Variants in SLC24A2 observed in about 807,000 individuals in gnomAD.
SLC24A2 encodes the protein sodium/potassium/calcium exchanger 2.
In SLC24A2, 36 loss-of-function variants were observed where a neutral mutation model predicts 62.0. The observed-to-expected ratio is 0.58, with a 90% CI of 0.44 to 0.77. SLC24A2 has a LOEUF of 0.77. SLC24A2 is among the 30% of genes least tolerant of loss of function. SLC24A2 has a pLI of 0.00. For missense variants in SLC24A2, 846 were observed against 817.9 expected, an observed-to-expected ratio of 1.03 and a Z score of -0.42; for synonymous variants, 358 against 294.0, an observed-to-expected ratio of 1.22 and a Z score of -2.23.
the SLC24A2 span, among the ~76,000 whole-genome samples, chr9:20,255,662 A>T: frequency 2.6e-5 from 4 of 152,170 alleles, no homozygotes; most frequent in Non-Finnish European, 5.9e-5. Flanking sequence ...GGAGAGTGGA[A>T]ACTAAGAAAC....
At chr9:19,763,012 G>T (rs1468631400) in intron 2 of SLC24A2, among the ~76,000 whole-genome samples, 1 of 152,026 alleles carries the variant, frequency 6.6e-6, no homozygotes, top group Non-Finnish European at 1.5e-5. Context: ...GTGGTTTATA[G>T]TTCTCCTTGA....
At chr9:19,713,323 TG>T (rs1415750233) in intron 2 of SLC24A2, among the ~76,000 whole-genome samples, 2 of 152,150 alleles carry the variant, frequency 1.3e-5, no homozygotes, top group Non-Finnish European at 2.9e-5. Context: ...GCAGAAAAGC[TG>T]TAAGTCAATT....
At chr9:20,045,046 C>T in the SLC24A2 span, among the ~76,000 whole-genome samples, 3 of 152,150 alleles carry the variant, frequency 2.0e-5, no homozygotes, top group African/African-American at 4.8e-5. Flanking sequence ...AAAGTTAGTG[C>T]TCAGTATATT....
intron 2 of SLC24A2, among the ~76,000 whole-genome samples, chr9:19,742,970 G>A (rs1485328929): frequency 6.6e-6 from 1 of 152,124 alleles, no homozygotes; most frequent in Non-Finnish European, 1.5e-5. Context: ...AGATCCCAGA[G>A]GGAAATGGGA....
At chr9:19,547,449 G>T (rs1300169658) in intron 8 of SLC24A2, among the ~76,000 whole-genome samples, 1 of 152,194 alleles carries the variant, frequency 6.6e-6, no homozygotes, top group Non-Finnish European at 1.5e-5. Flanking sequence ...CGTAACGACT[G>T]CCTTGATTGA....
At chr9:20,068,864 T>C in the SLC24A2 span, among the ~76,000 whole-genome samples, 67 of 152,308 alleles carry the variant, frequency 4.4e-4, no homozygotes, top group African/African-American at 1.6e-3. Context: ...TACTCATTTT[T>C]CTGGTTTCAA....
the SLC24A2 span, among the ~76,000 whole-genome samples, chr9:20,025,917 A>T: frequency 5.3e-5 from 8 of 152,110 alleles, no homozygotes; most frequent in Admixed American, 2.0e-4. Flanking sequence ...ATTCAGGACA[A>T]TTTCTCTTGC....
At chr9:19,751,122 T>C (rs1294226418) in intron 2 of SLC24A2, among the ~76,000 whole-genome samples, 1 of 152,164 alleles carries the variant, frequency 6.6e-6, no homozygotes, top group African/African-American at 2.4e-5. Context: ...GAATATGCCT[T>C]ATTTGCTTTG....
the SLC24A2 span, among the ~76,000 whole-genome samples, chr9:19,835,850 A>G: frequency 1.1e-4 from 17 of 152,342 alleles, no homozygotes; most frequent in East Asian, 3.1e-3. Flanking sequence ...AGCAAATGTG[A>G]AAGAACAGAA....
chr9:20,286,964 A>G, the SLC24A2 span, among the ~76,000 whole-genome samples: 3 of 152,310 alleles, frequency 2.0e-5, no homozygotes, highest in East Asian at 5.8e-4. Context: ...TATTTGCTTC[A>G]GAAACACTAA....
chr9:20,152,766 C>T, the SLC24A2 span, among the ~76,000 whole-genome samples: 1 of 151,814 alleles, frequency 6.6e-6, no homozygotes, highest in Non-Finnish European at 1.5e-5. Context: ...GTAACCTCTC[C>T]TCCTTCCTCT....
chr9:20,268,168 CCT>C, the SLC24A2 span, among the ~76,000 whole-genome samples: 2 of 152,130 alleles, frequency 1.3e-5, no homozygotes, highest in Non-Finnish European at 2.9e-5. Context: ...GGATTCACTC[CCT>C]CTCACGCTCA....
intron 7 of SLC24A2, among the ~76,000 whole-genome samples, chr9:19,561,417 C>A (rs1835393910): frequency 6.7e-6 from 1 of 148,476 alleles, no homozygotes; most frequent in Non-Finnish European, 1.5e-5. Flanking sequence ...ACAGAGCTAA[C>A]AGTTAAGTGG....
chr9:19,747,505 A>G (rs1473793421), intron 2 of SLC24A2, among the ~76,000 whole-genome samples: 1 of 152,214 alleles, frequency 6.6e-6, no homozygotes, highest in East Asian at 1.9e-4. Flanking sequence ...AGGACTAACT[A>G]ATACTGATAA....
chr9:19,894,340 T>C, the SLC24A2 span, among the ~76,000 whole-genome samples: 1 of 152,206 alleles, frequency 6.6e-6, no homozygotes, highest in African/African-American at 2.4e-5. Context: ...ACACATGCTA[T>C]AGGCTGTCTT....
chr9:19,972,856 A>G, the SLC24A2 span, among the ~76,000 whole-genome samples: 1 of 152,208 alleles, frequency 6.6e-6, no homozygotes, highest in Non-Finnish European at 1.5e-5. Context: ...TTACGAGAAG[A>G]GCAGCAGGAC....
the SLC24A2 span, among the ~76,000 whole-genome samples, chr9:20,206,078 G>A: frequency 6.6e-6 from 1 of 152,156 alleles, no homozygotes; most frequent in Non-Finnish European, 1.5e-5. Flanking sequence ...CAGAGTATAA[G>A]ATAGACCAAT....
intron 2 of SLC24A2, among the ~76,000 whole-genome samples, chr9:19,654,777 G>T (rs1308736874): frequency 6.6e-6 from 1 of 152,212 alleles, no homozygotes; most frequent in Admixed American, 6.5e-5. Context: ...ATGTCCAACT[G>T]CTTTGCCCAG....
chr9:19,632,226 T>C lies in SLC24A2; in HGVS notation c.931-9927A>G, dbSNP rs920002349. Among the ~76,000 whole-genome samples, 2 of 152,206 alleles carry C rather than the reference T, an allele frequency of 1.3e-5. No individual in the cohort carries two copies. The highest frequency in any genetic ancestry group is 2.9e-5 in the Non-Finnish European group (2 of 68,038). ...TCCCTGCACCCCATCTGCCATCCTT[T>C]GCTGTCATAGGGAGTCCAGGCAAAT... On this transcript the variant is annotated intron_variant, in intron 2 of 10. Coordinates refer to ENST00000341998, the MANE Select transcript of SLC24A2 (RefSeq NM_020344.4). The surrounding 1 kb of genome is among the most constrained non-coding windows in gnomAD (Gnocchi z 4.5).
Sources: allele counts gnomAD v4.1 joint callset (sites outside exome capture counted in the v4.1 genomes callset), GRCh38; gene constraint gnomAD v4.1.1; non-coding constraint Gnocchi (gnomAD v3.1); transcripts MANE v1.5; gene names NCBI Gene and HGNC (gene_info 2026-07-23, HGNC 2026-07-21).